The following PRIM2 variants were observed in gnomAD, a reference collection of about 807,000 sequenced individuals.
PRIM2 encodes DNA primase subunit 2.
PRIM2 carries 39 observed loss-of-function variants against 67.3 expected under a neutral mutation model. That is an observed-to-expected ratio of 0.58 (90% CI 0.45 to 0.76). The LOEUF is 0.76. PRIM2 is among the 30% of genes least tolerant of loss of function. The pLI is 0.00. For missense variants in PRIM2, 398 were observed against 598.7 expected (o/e 0.66, Z 3.50); for synonymous variants, 143 against 198.7 (o/e 0.72, Z 2.36).
intron 1 of PRIM2, among the ~76,000 whole-genome samples, chr6:57,318,192 G>A (rs1402812327): frequency 2.0e-5 from 3 of 152,088 alleles, no homozygotes; most frequent in African/African-American, 7.2e-5. Flanking sequence ...TGAAAATTAG[G>A]ATCACCACCT....
the PRIM2 span, among the ~76,000 whole-genome samples, chr6:57,248,398 G>A: frequency 3.3e-4 from 51 of 152,268 alleles, no homozygotes; most frequent in African/African-American, 1.1e-3. Flanking sequence ...TTGGTTGAGG[G>A]TGGGTTGTTG....
chr6:57,423,870 C>T (rs924049152), intron 7 of PRIM2, among the ~76,000 whole-genome samples: 8 of 152,112 alleles, frequency 5.3e-5, no homozygotes, highest in Non-Finnish European at 1.2e-4. Context: ...TTTTAAGGGT[C>T]CAGGTCTAAA....
chr6:57,428,707 A>G (rs1299596391), intron 7 of PRIM2, among the ~76,000 whole-genome samples: 2 of 152,158 alleles, frequency 1.3e-5, no homozygotes, highest in East Asian at 1.9e-4. Flanking sequence ...TAGAGATTCT[A>G]TGAGCTATAA....
intron 5 of PRIM2, among the ~76,000 whole-genome samples, chr6:57,375,078 C>G (rs542888759): frequency 6.2e-4 from 95 of 152,326 alleles, no homozygotes; most frequent in Middle Eastern, 3.4e-3. Flanking sequence ...TGCCTGATTG[C>G]CTTAGCAGGA....
chr6:57,506,385 T>G (rs1251618125), intron 7 of PRIM2, among the ~76,000 whole-genome samples: 1 of 152,038 alleles, frequency 6.6e-6, no homozygotes, highest in East Asian at 1.9e-4. Flanking sequence ...GAATTAAATG[T>G]CTGTTTTCCA....
the PRIM2 span, among the ~76,000 whole-genome samples, chr6:57,291,182 C>T: frequency 6.6e-6 from 1 of 152,072 alleles, no homozygotes; most frequent in African/African-American, 2.4e-5. Flanking sequence ...CCACCAATCC[C>T]ACAGAAATAT....
intron 7 of PRIM2, among the ~76,000 whole-genome samples, chr6:57,476,018 TG>T (rs1773470135): frequency 2.6e-5 from 4 of 152,150 alleles, no homozygotes; most frequent in Non-Finnish European, 5.9e-5. Flanking sequence ...TTGTTGTTGT[TG>T]TTGTGGTTTT....
intron 8 of PRIM2, among the ~76,000 whole-genome samples, chr6:57,516,261 C>CA (rs1774485582): frequency 6.6e-6 from 1 of 152,194 alleles, no homozygotes; most frequent in Non-Finnish European, 1.5e-5. Context: ...TAACCTAACA[C>CA]ATTCAGAGGA....
At chr6:57,306,400 G>C in the PRIM2 span, among the ~76,000 whole-genome samples, 2 of 152,070 alleles carry the variant, frequency 1.3e-5, no homozygotes, top group Non-Finnish European at 2.9e-5. Context: ...GGTGACTCCC[G>C]ACCATGTCAT....
chr6:57,495,794 A>C (rs1773991147), intron 7 of PRIM2, among the ~76,000 whole-genome samples: 1 of 152,072 alleles, frequency 6.6e-6, no homozygotes, highest in Non-Finnish European at 1.5e-5. Context: ...CCTAGGCTGG[A>C]GTGTAGTGGT....
At chr6:57,612,338 A>G (rs1388380970) in intron 12 of PRIM2, among the ~76,000 whole-genome samples, 5 of 152,246 alleles carry the variant, frequency 3.3e-5, no homozygotes, top group Non-Finnish European at 2.9e-5. Context: ...GAAACAACCC[A>G]GATGTTCTTC....
chr6:57,514,094 C>T (rs1401502754), intron 8 of PRIM2, among the ~76,000 whole-genome samples: 19 of 152,120 alleles, frequency 1.2e-4, no homozygotes, highest in African/African-American at 4.3e-4. Context: ...ATTTTAAAAT[C>T]GTTTAAAGTA....
At chr6:57,238,095 C>T in the PRIM2 span, among the ~76,000 whole-genome samples, 1 of 152,202 alleles carries the variant, frequency 6.6e-6, no homozygotes. Flanking sequence ...GAGACTTAGA[C>T]TCCCACACAA....
At chr6:57,629,869 T>A (rs1472376992) in intron 12 of PRIM2, among the ~76,000 whole-genome samples, 2 of 151,994 alleles carry the variant, frequency 1.3e-5, no homozygotes, top group Non-Finnish European at 1.5e-5. Context: ...TAGATCATAA[T>A]CTGAAATGAA....
At chr6:57,430,423 C>A (rs539332267) in intron 7 of PRIM2, among the ~76,000 whole-genome samples, 2 of 140,574 alleles carry the variant, frequency 1.4e-5, no homozygotes, top group East Asian at 4.1e-4. Flanking sequence ...GTAATGTTAG[C>A]TTTGTATAGG....
intron 10 of PRIM2, among the ~76,000 whole-genome samples, chr6:57,557,833 T>G (rs1380052109): frequency 4.6e-4 from 70 of 151,482 alleles, no homozygotes; most frequent in African/African-American, 1.7e-3. Flanking sequence ...TACTAGACTG[T>G]TATAACTTGT....
chr6:57,312,474 C>G (rs1767408115), upstream of PRIM2, among the ~76,000 whole-genome samples: 1 of 151,996 alleles, frequency 6.6e-6, no homozygotes, highest in South Asian at 2.1e-4. Context: ...TGCACTCCAG[C>G]CTGGGCAACA....
intron 3 of PRIM2, among the ~76,000 whole-genome samples, chr6:57,321,867 G>A (rs1342493634): frequency 2.6e-5 from 4 of 152,184 alleles, no homozygotes; most frequent in African/African-American, 9.7e-5. Context: ...AAGCTCATAA[G>A]ATGGTAAATG....
intron 10 of PRIM2, among the ~76,000 whole-genome samples, chr6:57,562,149 A>G (rs1775644775): frequency 6.6e-6 from 1 of 152,178 alleles, no homozygotes; most frequent in African/African-American, 2.4e-5. Flanking sequence ...ATCAAAGATC[A>G]CTGATCACAG....
Sources: allele counts gnomAD v4.1 joint callset (sites outside exome capture counted in the v4.1 genomes callset), GRCh38; gene constraint gnomAD v4.1.1; transcripts MANE v1.5; gene names NCBI Gene and HGNC (gene_info 2026-07-23, HGNC 2026-07-21).